The following FGGY variants were observed in gnomAD, a reference collection of about 807,000 sequenced individuals.
FGGY encodes FGGY carbohydrate kinase domain-containing protein.
A neutral mutation model predicts 71.3 loss-of-function variants in FGGY; 72 were observed. That is an observed-to-expected ratio of 1.01 (90% CI 0.84 to 1.23). The LOEUF is 1.23. Ranked by LOEUF, FGGY falls within the 50% of genes most tolerant of loss-of-function variation. The pLI, the probability that FGGY is intolerant of heterozygous loss-of-function variation, is 0.00. For missense variants in FGGY, 668 were observed against 682.3 expected (o/e 0.98, Z 0.23); for synonymous variants, 251 against 250.3 (o/e 1.00, Z -0.02).
rs191245504 is a variant in FGGY, at chr1:59,651,229, T to G, written c.1222-8990T>G. Among the ~76,000 whole-genome samples the G allele has an allele frequency of 2.5e-3, 382 of 152,314 alleles. 5 individuals are homozygous for G. In the South Asian group the frequency reaches 0.038, roughly 15 times the overall value. The stretch of plus-strand genomic sequence containing the variant: ...GTGCTGAAAAAAATGTATATTCTGT[T>G]GATTTGGGGGTGGAGAGTTCTGTAG... On this transcript the variant is annotated intron_variant, in intron 11 of 15. Coordinates refer to ENST00000303721, the MANE Select transcript of FGGY (RefSeq NM_018291.5).
chr1:59,510,896 C>G (rs1570446168), intron 6 of FGGY, among the ~76,000 whole-genome samples: 1 of 152,074 alleles, frequency 6.6e-6, no homozygotes, highest in Admixed American at 6.6e-5. Context: ...CCAAGTTGTT[C>G]CGAACATACT....
At chr1:59,475,502 T>C (rs2093220527) in intron 6 of FGGY, among the ~76,000 whole-genome samples, 1 of 152,238 alleles carries the variant, frequency 6.6e-6, no homozygotes, top group African/African-American at 2.4e-5. Context: ...TCCACCAAAC[T>C]TGTAAAATAG....
chr1:59,739,453 C>T (rs547585167), intron 14 of FGGY, among the ~76,000 whole-genome samples: 81 of 152,268 alleles, frequency 5.3e-4, no homozygotes, highest in African/African-American at 1.3e-3. Context: ...CTCTCCCAAG[C>T]GCAGAAACTG....
In FGGY at chr1:59,356,572, T is replaced by A. The variant is rs557830043; in HGVS notation, c.465+10174T>A. Among the ~76,000 whole-genome samples, 4 of 152,318 alleles carry A rather than the reference T, an allele frequency of 2.6e-5. No individual in the cohort carries two copies. The South Asian group carries it at 8.3e-4, about 32-fold the overall frequency. On this transcript the variant is annotated intron_variant, in intron 4 of 15. Transcript: ENST00000303721. The stretch of plus-strand genomic sequence containing the variant: ...AGTGTCCCTAGCCTCCAGAGCAATG[T>A]TTAAATTCTAACATTAATAACTTAT...
At position 59,496,378 on chromosome 1, in the gene FGGY, A is replaced by G. The variant is rs184808497; in HGVS notation, c.671-15933A>G. Among the ~76,000 whole-genome samples, 19 of 152,350 alleles carry G rather than the reference A, an allele frequency of 1.2e-4. No individual in the cohort carries two copies. In the East Asian group the frequency reaches 3.7e-3, roughly 29 times the overall value. On this transcript the variant is annotated intron_variant, in intron 6 of 15. Coordinates refer to ENST00000303721, the MANE Select transcript of FGGY (RefSeq NM_018291.5). ...AGAATAAGATTTTGTCCTCTGCAGC[A>G]ACATGAATGGAGCTGGAGGCCATTA... is the stretch of plus-strand genomic sequence containing the variant.
intron 14 of FGGY, among the ~76,000 whole-genome samples, chr1:59,749,276 G>T (rs74954572): frequency 2.4e-4 from 37 of 152,262 alleles, no homozygotes; most frequent in African/African-American, 8.4e-4. Flanking sequence ...TCAAGCCTTG[G>T]GGGGTGGAGT....
chr1:59,587,335 C>T (rs180823351), intron 8 of FGGY, among the ~76,000 whole-genome samples: 13,536 of 146,126 alleles, frequency 0.093, 1,249 homozygotes, highest in South Asian at 0.25. Flanking sequence ...AGGAGGCCTG[C>T]CTGCCTCTGT....
chr1:59,661,161 C>T (rs189345798), intron 12 of FGGY, among the ~76,000 whole-genome samples: 12 of 152,264 alleles, frequency 7.9e-5, no homozygotes, highest in East Asian at 7.7e-4. Context: ...TAATGCTATA[C>T]GTACATATAT....
chr1:59,639,227 C>T (rs2096993201), intron 11 of FGGY, among the ~76,000 whole-genome samples: 1 of 152,104 alleles, frequency 6.6e-6, no homozygotes, highest in African/African-American at 2.4e-5. Context: ...GTGGAGCAGG[C>T]CTGATGGAGT....
chr1:59,445,582 T>C (rs754692648), intron 5 of FGGY, among the ~76,000 whole-genome samples: 7 of 152,226 alleles, frequency 4.6e-5, no homozygotes, highest in Non-Finnish European at 7.3e-5. Flanking sequence ...GAACATCTCA[T>C]TGTTGTCCCT....
chr1:59,562,576 C>A (rs1453755958), intron 8 of FGGY, among the ~76,000 whole-genome samples: 2 of 152,186 alleles, frequency 1.3e-5, no homozygotes, highest in Non-Finnish European at 2.9e-5. Context: ...GTCTGGATCA[C>A]AGGGTAGATG....
At chr1:59,517,792 TAGTGAATG>T (rs1239119211) in intron 7 of FGGY, among the ~76,000 whole-genome samples, 136 of 152,274 alleles carry the variant, frequency 8.9e-4, no homozygotes, top group African/African-American at 3.2e-3. Context: ...CATGCGTATT[TAGTGAATG>T]AGTGAATGAA....
chr1:59,554,763 G>A (rs1558331846), intron 8 of FGGY, among the ~76,000 whole-genome samples: 3 of 152,166 alleles, frequency 2.0e-5, no homozygotes. Context: ...CTCCAAGATT[G>A]CAGTTAAAAT....
chr1:59,479,898 A>G (rs1180283704), intron 6 of FGGY, among the ~76,000 whole-genome samples: 1 of 152,162 alleles, frequency 6.6e-6, no homozygotes, highest in East Asian at 1.9e-4. Context: ...ATTAATCTTA[A>G]TGAATAGCAG....
chr1:59,740,946 TC>T (rs1254631200), intron 14 of FGGY, among the ~76,000 whole-genome samples: 4 of 152,226 alleles, frequency 2.6e-5, no homozygotes, highest in African/African-American at 9.7e-5. Context: ...ATGTAAAATA[TC>T]TCATAAATAA....
At chr1:59,645,894 G>T (rs546994536) in intron 11 of FGGY, among the ~76,000 whole-genome samples, 1 of 152,214 alleles carries the variant, frequency 6.6e-6, no homozygotes, top group Non-Finnish European at 1.5e-5. Context: ...TTGAAGAGCT[G>T]TGACTTCTAA....
intron 11 of FGGY, among the ~76,000 whole-genome samples, chr1:59,644,617 G>GCCCC (rs796675574): frequency 4.0e-5 from 6 of 149,734 alleles, no homozygotes; most frequent in African/African-American, 1.5e-4. Context: ...AGACAGACAC[G>GCCCC]CCCCCCCCCA....
intron 14 of FGGY, among the ~76,000 whole-genome samples, chr1:59,707,145 A>G (rs182548889): frequency 6.6e-6 from 1 of 152,228 alleles, no homozygotes; most frequent in Non-Finnish European, 1.5e-5. Flanking sequence ...CAGGATGTCC[A>G]TCAGGATTTA....
chr1:59,399,262 T>C (rs2061663683), intron 5 of FGGY, among the ~76,000 whole-genome samples: 1 of 152,204 alleles, frequency 6.6e-6, no homozygotes. Flanking sequence ...TACCCCTTTG[T>C]CCCTTGCTTG....
Sources: gnomAD v4.1 joint callset for allele counts (sites outside exome capture counted in the v4.1 genomes callset) on GRCh38, gnomAD v4.1.1 for gene constraint, MANE v1.5 for transcripts, NCBI Gene and HGNC (gene_info 2026-07-23, HGNC 2026-07-21) for gene names.